Variants in CTNND2 observed in about 807,000 individuals in gnomAD.
CTNND2 encodes catenin delta-2.
A neutral mutation model predicts 144.4 loss-of-function variants in CTNND2; 22 were observed. That is an observed-to-expected ratio of 0.15 (90% confidence interval 0.11 to 0.22). CTNND2 has a LOEUF of 0.22. CTNND2 is among the 10% of genes least tolerant of loss of function. The pLI, the probability that CTNND2 is intolerant of heterozygous loss-of-function variation, is 1.00. For missense variants in CTNND2, 1,353 were observed against 1,618.8 expected, an observed-to-expected ratio of 0.84 and a Z score of 2.82; for synonymous variants, 751 against 695.6, an observed-to-expected ratio of 1.08 and a Z score of -1.25.
chr5:11,886,534 T>C (rs2127086569), intron 1 of CTNND2, among the ~76,000 whole-genome samples: 1 of 152,278 alleles, frequency 6.6e-6, no homozygotes, highest in Middle Eastern at 3.4e-3. Flanking sequence ...CAACAAATAA[T>C]TGTTTAGTAT....
chr5:10,992,422 T>C (rs1442067753), intron 19 of CTNND2, 129 bp downstream of exon 19: 2 of 1,320,880 alleles, frequency 1.5e-6, no homozygotes, highest in East Asian at 4.6e-5. Flanking sequence ...AACAGATTCA[T>C]TTCCTACTTC....
At chr5:11,857,206 G>C (rs1165959752) in intron 1 of CTNND2, among the ~76,000 whole-genome samples, 2 of 152,148 alleles carry the variant, frequency 1.3e-5, no homozygotes, top group African/African-American at 4.8e-5. Flanking sequence ...AATACAAGAT[G>C]AGATAGAGGA....
intron 1 of CTNND2, among the ~76,000 whole-genome samples, chr5:11,839,703 G>A (rs1438485736): frequency 6.6e-6 from 1 of 152,050 alleles, no homozygotes; most frequent in Admixed American, 6.5e-5. Context: ...CTTCACAGTA[G>A]TCCTATCTCT....
intron 17 of CTNND2, among the ~76,000 whole-genome samples, chr5:11,019,668 C>G (rs1247011426): frequency 1.3e-5 from 2 of 152,152 alleles, no homozygotes. Flanking sequence ...AAATTTCTAC[C>G]TGAAAAACTC....
intron 9 of CTNND2, among the ~76,000 whole-genome samples, chr5:11,298,983 G>T (rs561564375): frequency 1.1e-4 from 17 of 151,108 alleles, no homozygotes; most frequent in Admixed American, 1.0e-3. Context: ...TATTTACTTG[G>T]GTCACCTTTT....
Position 10,973,309 on chromosome 5 carries a change from A to T in CTNND2, c.*144T>A. 1.2e-6 allele frequency: 1 copy of T among 845,706 alleles called. No homozygotes were observed. The highest frequency in any genetic ancestry group is 1.7e-6 in the Non-Finnish European group (1 of 581,940). The allele number at this position is 845,706 out of a possible 1,614,324, so 52.4% of individuals were successfully genotyped here. A position where few individuals can be genotyped will look rare whatever the true frequency, so the allele number is the denominator to read the frequency against. On this transcript the variant is annotated 3_prime_UTR_variant, in exon 22 of 22. Coordinates refer to ENST00000304623, the MANE Select transcript of CTNND2 (RefSeq NM_001332.4). This position sits in a 1 kb window ranked among gnomAD's most constrained non-coding sequence, Gnocchi z 5.6. Reference sequence around the variant, plus strand: ...CATTTAGCTTTCTAAAATAGCTCTTAATATTTCCTTACTGGTTATCACAGC... The same window carrying T: ...CATTTAGCTTTCTAAAATAGCTCTTTATATTTCCTTACTGGTTATCACAGC...
chr5:11,333,316 T>A (rs904493908), intron 9 of CTNND2, among the ~76,000 whole-genome samples: 5 of 152,160 alleles, frequency 3.3e-5, no homozygotes, highest in African/African-American at 1.2e-4. Context: ...CAGGCTGGAG[T>A]GCAGTGGTGC....
Position 11,522,591 on chromosome 5 carries a change from C to A in CTNND2, c.287+42353G>T, listed in dbSNP as rs188024695. ...TCACAATGATGATTTGCTATACCCA[C>A]GCAACTCCTTCTCCATGCGAATGAG... On this transcript the variant is annotated intron_variant, in intron 3 of 21. Coordinates refer to ENST00000304623, the MANE Select transcript of CTNND2 (RefSeq NM_001332.4). 2.0e-5 allele frequency among the ~76,000 whole-genome samples: 3 copies of A among 152,308 alleles called. No individual in the cohort carries two copies. In the South Asian group the frequency reaches 6.2e-4, roughly 32 times the overall value.
In CTNND2 at chr5:11,290,260, G is replaced by A. The variant is rs74875764; in HGVS notation, c.1629-53437C>T. Among the ~76,000 whole-genome samples, 148 of 152,206 alleles carry A rather than the reference G, an allele frequency of 9.7e-4. 1 individual carries two copies. The East Asian group carries it at 0.025, about 26-fold the overall frequency. ...TTTAAAAGCCTTTGCATTCTCTCTTGAACTAGGTTATAAACCCTGTGAGAA... is the reference window on the plus strand; with the variant it reads ...TTTAAAAGCCTTTGCATTCTCTCTTAAACTAGGTTATAAACCCTGTGAGAA... On this transcript the variant is annotated intron_variant, in intron 9 of 21. Coordinates refer to ENST00000304623, the MANE Select transcript of CTNND2 (RefSeq NM_001332.4).
chr5:11,510,930 CAA>C (rs58275679), intron 3 of CTNND2, among the ~76,000 whole-genome samples: 180 of 144,000 alleles, frequency 1.3e-3, no homozygotes, highest in Middle Eastern at 3.6e-3. Flanking sequence ...GACTCTATCT[CAA>C]AAAAAAAAAA....
At chr5:11,695,205 G>A (rs1162929765) in intron 2 of CTNND2, among the ~76,000 whole-genome samples, 4 of 152,160 alleles carry the variant, frequency 2.6e-5, no homozygotes, top group Non-Finnish European at 4.4e-5. Context: ...GAGGAAACTG[G>A]TTTGTATAGT....
intron 16 of CTNND2, among the ~76,000 whole-genome samples, chr5:11,064,363 G>C (rs1388145359): frequency 6.6e-6 from 1 of 152,102 alleles, no homozygotes; most frequent in Non-Finnish European, 1.5e-5. Context: ...TAACTGAGCA[G>C]AGACTAGATA....
rs906909149 is a variant in CTNND2 at position 11,365,482 on chromosome 5, T to C, written c.1178-592A>G. ...TTTTCCTTTACTCTGACCCTCTAAA[T>C]TGAAGCATTTACATTTAGCCTGCCT... On this transcript the variant is annotated intron_variant, in intron 7 of 21. Transcript: ENST00000304623. 2.6e-5 allele frequency among the ~76,000 whole-genome samples: 4 copies of C among 152,234 alleles called. No individual in the cohort carries two copies. In the South Asian group the frequency reaches 8.3e-4, roughly 32 times the overall value.
At chr5:11,136,327 A>G (rs1452964669) in intron 12 of CTNND2, among the ~76,000 whole-genome samples, 1 of 152,196 alleles carries the variant, frequency 6.6e-6, no homozygotes, top group Non-Finnish European at 1.5e-5. Context: ...GAGGTCATGA[A>G]TTAAATTAGT....
intron 16 of CTNND2, among the ~76,000 whole-genome samples, chr5:11,055,178 T>C (rs1454984150): frequency 6.6e-6 from 1 of 152,212 alleles, no homozygotes; most frequent in Non-Finnish European, 1.5e-5. Flanking sequence ...AGGACGTAGG[T>C]ACTGAATGAA....
At chr5:11,796,177 C>G (rs934615089) in intron 1 of CTNND2, among the ~76,000 whole-genome samples, 5 of 152,180 alleles carry the variant, frequency 3.3e-5, no homozygotes, top group Admixed American at 3.3e-4. Flanking sequence ...TCCTCTGCAC[C>G]TCCCACATTA....
chr5:11,507,873 C>T (rs1370915816), intron 3 of CTNND2, among the ~76,000 whole-genome samples: 1 of 152,082 alleles, frequency 6.6e-6, no homozygotes, highest in Non-Finnish European at 1.5e-5. Context: ...CGAGGAGGTC[C>T]CAGGCACAAT....
chr5:11,546,298 T>TC (rs397764395), intron 3 of CTNND2, among the ~76,000 whole-genome samples: 18 of 151,552 alleles, frequency 1.2e-4, no homozygotes, highest in South Asian at 2.1e-4. Flanking sequence ...GCCTTTTTTT[T>TC]CTAAAAAAAG....
In CTNND2 at chr5:11,098,574, C is replaced by T. The variant is rs2149665990; in HGVS notation, c.2637+1G>A. 6.2e-7 allele frequency: 1 copy of T among 1,613,246 alleles called. No homozygotes were observed. On this transcript the variant is annotated splice_donor_variant, in intron 15 of 21. Transcript: ENST00000304623. LOFTEE classifies it high-confidence loss of function. The stretch of plus-strand genomic sequence containing the variant: ...TTTTTATTGTAATGAACTGGCCATA[C>T]CTTCCAGCTCCCTGCAGCCAAGTTC...
Sources: allele counts gnomAD v4.1 joint callset (sites outside exome capture counted in the v4.1 genomes callset), GRCh38; gene constraint gnomAD v4.1.1; non-coding constraint Gnocchi (gnomAD v3.1); transcripts MANE v1.5; gene names NCBI Gene and HGNC (gene_info 2026-07-23, HGNC 2026-07-21).